Variants in ADAM10 observed in about 807,000 individuals in gnomAD.
ADAM10 encodes the protein ADAM metallopeptidase domain 10, also known as disintegrin and metalloproteinase domain-containing protein 10.
A neutral mutation model predicts 90.1 loss-of-function variants in ADAM10; 17 were observed. That is an observed-to-expected ratio of 0.19 (90% CI 0.13 to 0.28). The LOEUF is 0.28. Ranked by LOEUF, ADAM10 falls within the 10% of genes least tolerant of loss-of-function variation. The probability of loss-of-function intolerance (pLI) is 1.00; values close to 1 mark genes in which losing one functional copy is unlikely to be tolerated. For synonymous variants in ADAM10, 310 were observed against 298.6 expected (o/e 1.04, Z -0.40); for missense variants, 610 against 914.3 (o/e 0.67, Z 4.29).
At chr15:58,660,290 T>A (rs1198431155) in intron 5 of ADAM10, among the ~76,000 whole-genome samples, 6 of 152,106 alleles carry the variant, frequency 3.9e-5, no homozygotes, top group African/African-American at 1.4e-4. Flanking sequence ...ACCTTCTACA[T>A]TCAAGTAATC....
chr15:58,698,185 G>T, intron 2 of ADAM10: 1 of 348,844 alleles, frequency 2.9e-6, no homozygotes, highest in Non-Finnish European at 5.6e-6. Flanking sequence ...CCCAGAAAAA[G>T]AATTCAAAAT....
intron 2 of ADAM10, among the ~76,000 whole-genome samples, chr15:58,707,091 A>G (rs1898323340): frequency 7.3e-5 from 3 of 41,054 alleles, no homozygotes; most frequent in Admixed American, 2.3e-4. Flanking sequence ...TGGGGGGGGG[A>G]AAAAAGCTCA....
intron 2 of ADAM10, chr15:58,692,665 G>C (rs1216673290): frequency 1.8e-6 from 1 of 561,158 alleles, no homozygotes; most frequent in Non-Finnish European, 3.6e-6. Flanking sequence ...GATCACTTTG[G>C]TATCCCTGTC....
intron 5 of ADAM10, among the ~76,000 whole-genome samples, chr15:58,658,593 C>A (rs528161029): frequency 2.0e-4 from 30 of 152,126 alleles, no homozygotes; most frequent in Non-Finnish European, 3.4e-4. Context: ...TTGGGGAGAA[C>A]TGACATATTA....
intron 1 of ADAM10, among the ~76,000 whole-genome samples, chr15:58,744,233 A>G (rs1381339916): frequency 6.8e-6 from 1 of 147,304 alleles, no homozygotes; most frequent in African/African-American, 2.5e-5. Context: ...AGCTATACAT[A>G]TTGAAAGGTG....
chr15:58,686,484 G>A (rs1354985714), intron 2 of ADAM10: 3 of 1,409,022 alleles, frequency 2.1e-6, no homozygotes, highest in African/African-American at 1.4e-5. Flanking sequence ...GGCGTGGAGA[G>A]GATCAATGTC....
intron 5 of ADAM10, among the ~76,000 whole-genome samples, chr15:58,661,719 A>C (rs1896971601): frequency 6.6e-6 from 1 of 152,104 alleles, no homozygotes; most frequent in Non-Finnish European, 1.5e-5. Flanking sequence ...CGGAGGCATT[A>C]ATTTTTAAAT....
At chr15:58,717,100 C>T (rs1431052203) in intron 2 of ADAM10, among the ~76,000 whole-genome samples, 1 of 152,070 alleles carries the variant, frequency 6.6e-6, no homozygotes, top group Non-Finnish European at 1.5e-5. Flanking sequence ...ACCTCTCTCC[C>T]TTGACTCCCC....
At chr15:58,612,707 G>A (rs1260137667) in intron 11 of ADAM10, among the ~76,000 whole-genome samples, 1 of 152,104 alleles carries the variant, frequency 6.6e-6, no homozygotes, top group East Asian at 1.9e-4. Flanking sequence ...CATGCACTGT[G>A]CTCTGGGCTC....
At chr15:58,619,502 G>T (rs769882776) in intron 11 of ADAM10, among the ~76,000 whole-genome samples, 19 of 152,182 alleles carry the variant, frequency 1.2e-4, no homozygotes, top group Admixed American at 6.5e-4. Context: ...ATAAATATCT[G>T]AGGAGATAAA....
intron 14 of ADAM10, among the ~76,000 whole-genome samples, chr15:58,604,568 C>G (rs1486915307): frequency 6.6e-6 from 1 of 152,130 alleles, no homozygotes; most frequent in Non-Finnish European, 1.5e-5. Context: ...ACCTGTTGAA[C>G]TAGTTATTAC....
intron 11 of ADAM10, among the ~76,000 whole-genome samples, chr15:58,612,224 G>A (rs1895458538): frequency 6.6e-6 from 1 of 152,136 alleles, no homozygotes; most frequent in Non-Finnish European, 1.5e-5. Context: ...AAGAAACAGT[G>A]CCTGGGCCTA....
At chr15:58,608,158 C>T (rs1384943162) in intron 14 of ADAM10, among the ~76,000 whole-genome samples, 2 of 152,280 alleles carry the variant, frequency 1.3e-5, no homozygotes, top group South Asian at 4.1e-4. Flanking sequence ...CAGTCAATAA[C>T]CCATGCCCTG....
intron 6 of ADAM10, among the ~76,000 whole-genome samples, chr15:58,645,684 T>C (rs1233716590): frequency 1.3e-5 from 2 of 152,128 alleles, no homozygotes; most frequent in Non-Finnish European, 2.9e-5. Flanking sequence ...GTACAAATAA[T>C]AATGTAACTT....
intron 10 of ADAM10, among the ~76,000 whole-genome samples, chr15:58,622,857 C>T (rs934620658): frequency 6.6e-6 from 1 of 152,090 alleles, no homozygotes; most frequent in Admixed American, 6.6e-5. Context: ...AAATCAAATG[C>T]CTTAAATGTT....
At chr15:58,624,341 T>A (rs987873845) in intron 10 of ADAM10, among the ~76,000 whole-genome samples, 1 of 152,086 alleles carries the variant, frequency 6.6e-6, no homozygotes, top group East Asian at 1.9e-4. Flanking sequence ...TGCACATATA[T>A]ACTAGGTGAA....
intron 10 of ADAM10, among the ~76,000 whole-genome samples, chr15:58,625,975 A>G (rs1483873821): frequency 1.3e-5 from 2 of 148,452 alleles, no homozygotes; most frequent in African/African-American, 4.9e-5. Flanking sequence ...TATGGAGAAC[A>G]GGGTAGCAGG....
intron 7 of ADAM10, among the ~76,000 whole-genome samples, chr15:58,641,451 C>G (rs1235066987): frequency 6.6e-6 from 1 of 152,148 alleles, no homozygotes; most frequent in Non-Finnish European, 1.5e-5. Context: ...AAATCATTTT[C>G]CTGGTTTTCC....
At chr15:58,705,536 G>A (rs141682419) in intron 2 of ADAM10, among the ~76,000 whole-genome samples, 4,583 of 152,238 alleles carry the variant, frequency 0.03, 109 homozygotes, top group Non-Finnish European at 0.043. Context: ...TTACCACGTC[G>A]TAGTAATAGC....
Sources: allele counts gnomAD v4.1 joint callset (sites outside exome capture counted in the v4.1 genomes callset), GRCh38; gene constraint gnomAD v4.1.1; transcripts MANE v1.5; gene names NCBI Gene and HGNC (gene_info 2026-07-23, HGNC 2026-07-21).